PDE4D: variants seen among roughly 807,000 people sequenced by gnomAD.
The protein encoded by PDE4D is phosphodiesterase 4D.
Under a neutral mutation model 87.4 loss-of-function variants are expected in PDE4D, and 24 were observed. That is an observed-to-expected ratio of 0.27 (90% CI 0.20 to 0.39). The LOEUF (loss-of-function observed/expected upper bound fraction) is 0.39. Among genes scored for constraint, PDE4D ranks in the 10% least tolerant of loss-of-function variants. The pLI is 1.00. For missense variants in PDE4D, 714 were observed against 1,041.0 expected, an observed-to-expected ratio of 0.69 and a Z score of 4.32; for synonymous variants, 384 against 383.2, an observed-to-expected ratio of 1.00 and a Z score of -0.02.
chr5:59,248,418 C>T (rs1426049586), intron 1 of PDE4D, among the ~76,000 whole-genome samples: 1 of 151,798 alleles, frequency 6.6e-6, no homozygotes, highest in Admixed American at 6.6e-5. Context: ...CCACCTACCA[C>T]CCAGTCCCAT....
At chr5:59,639,405 G>A (rs899637184) in intron 1 of PDE4D, among the ~76,000 whole-genome samples, 1 of 151,972 alleles carries the variant, frequency 6.6e-6, no homozygotes, top group African/African-American at 2.4e-5. Flanking sequence ...GCTGGGTTGG[G>A]GGAGAGAAAA....
intron 1 of PDE4D, among the ~76,000 whole-genome samples, chr5:59,653,585 A>C (rs1417622641): frequency 6.6e-6 from 1 of 152,200 alleles, no homozygotes; most frequent in Non-Finnish European, 1.5e-5. Flanking sequence ...CTGGAGATTC[A>C]GTGACAAGTC....
At chr5:60,227,536 GAGGAGGAGAGGAAGGGTAGA>G (rs1745262662) in intron 1 of PDE4D, among the ~76,000 whole-genome samples, 1 of 145,228 alleles carries the variant, frequency 6.9e-6, no homozygotes, top group African/African-American at 2.5e-5. Flanking sequence ...GGAGGGAAGG[GAGGAGGAGAGGAAGGGTAGA>G]AGGGAGGGAA....
At chr5:58,988,632 A>G (rs1747100906) in intron 10 of PDE4D, 40 bp from the exon 11 acceptor site, 1 of 824,324 alleles carries the variant, frequency 1.2e-6, no homozygotes, top group African/African-American at 1.7e-5. Context: ...ACTATTCTAC[A>G]ATGATATGAA....
chr5:59,315,614 G>A (rs1241933736), intron 1 of PDE4D, among the ~76,000 whole-genome samples: 1 of 152,134 alleles, frequency 6.6e-6, no homozygotes, highest in Non-Finnish European at 1.5e-5. Context: ...TGGCACCAGG[G>A]AGGGGGAAAT....
At chr5:60,411,465 G>A (rs1406767844) in intron 1 of PDE4D, among the ~76,000 whole-genome samples, 2 of 151,646 alleles carry the variant, frequency 1.3e-5, no homozygotes, top group Admixed American at 1.3e-4. Flanking sequence ...TATCACATAA[G>A]TGTTAGCTAA....
chr5:59,121,435 A>G (rs1774483952), intron 5 of PDE4D, among the ~76,000 whole-genome samples: 1 of 152,238 alleles, frequency 6.6e-6, no homozygotes, highest in African/African-American at 2.4e-5. Flanking sequence ...CAAATGTCCA[A>G]TATGAAAAAA....
At chr5:59,547,210 G>C (rs1487819628) in intron 1 of PDE4D, among the ~76,000 whole-genome samples, 5 of 151,938 alleles carry the variant, frequency 3.3e-5, no homozygotes, top group Admixed American at 1.3e-4. Flanking sequence ...TAAGTATCTT[G>C]GCATAGAAAA....
chr5:59,008,113 A>C (rs1211968263), intron 6 of PDE4D, among the ~76,000 whole-genome samples: 3 of 152,066 alleles, frequency 2.0e-5, no homozygotes. Context: ...CAGCATATCT[A>C]CTACAGACTT....
chr5:60,445,832 T>TGC (rs1294151851), intron 1 of PDE4D, among the ~76,000 whole-genome samples: 1 of 152,082 alleles, frequency 6.6e-6, no homozygotes, highest in Non-Finnish European at 1.5e-5. Context: ...CTCAATCACA[T>TGC]GCACAAAAAC....
intron 1 of PDE4D, among the ~76,000 whole-genome samples, chr5:59,530,144 A>C (rs1813935049): frequency 6.6e-6 from 1 of 152,218 alleles, no homozygotes; most frequent in South Asian, 2.1e-4. Flanking sequence ...GCACCATTGC[A>C]GAATGTTTAT....
intron 1 of PDE4D, among the ~76,000 whole-genome samples, chr5:60,367,969 T>G (rs1035405086): frequency 6.6e-6 from 1 of 152,206 alleles, no homozygotes; most frequent in African/African-American, 2.4e-5. Flanking sequence ...ACGTCATTAC[T>G]GAGCGTTCTT....
chr5:59,066,327 T>C (rs781501925), intron 5 of PDE4D, among the ~76,000 whole-genome samples: 13 of 152,090 alleles, frequency 8.5e-5, no homozygotes, highest in Non-Finnish European at 1.5e-4. Flanking sequence ...ATTTTTGATG[T>C]GTCACAAAAG....
chr5:59,938,046 A>T (rs1756791226), intron 3 of PDE4D, among the ~76,000 whole-genome samples: 1 of 152,210 alleles, frequency 6.6e-6, no homozygotes, highest in Admixed American at 6.5e-5. Flanking sequence ...CTATTAGTGG[A>T]ACTGTAACAG....
At chr5:60,176,739 G>C (rs939198544) in intron 2 of PDE4D, among the ~76,000 whole-genome samples, 1 of 152,112 alleles carries the variant, frequency 6.6e-6, no homozygotes, top group Non-Finnish European at 1.5e-5. Flanking sequence ...TGCTCTTTTA[G>C]TTTGACAAAA....
chr5:59,639,842 TGTGTGTG>T (rs1741256954), intron 1 of PDE4D, among the ~76,000 whole-genome samples: 1 of 151,008 alleles, frequency 6.6e-6, no homozygotes. Flanking sequence ...TGTGTGTGTG[TGTGTGTG>T]TGTGTGTGAT....
At chr5:59,451,445 A>G (rs1799137658) in intron 1 of PDE4D, among the ~76,000 whole-genome samples, 1 of 152,160 alleles carries the variant, frequency 6.6e-6, no homozygotes, top group South Asian at 2.1e-4. Flanking sequence ...CCAGACACAT[A>G]CAGCGCACCT....
chr5:59,931,694 C>T (rs1407374688), intron 3 of PDE4D, among the ~76,000 whole-genome samples: 5 of 126,576 alleles, frequency 4.0e-5, no homozygotes, highest in Admixed American at 8.7e-5. Context: ...TCTTCTTCTT[C>T]TTTTTTTTTT....
intron 2 of PDE4D, among the ~76,000 whole-genome samples, chr5:59,199,373 G>A (rs1321453659): frequency 6.6e-6 from 1 of 151,462 alleles, no homozygotes; most frequent in East Asian, 1.9e-4. Context: ...GATTACAGGT[G>A]TGCACCACCG....
Sources: allele counts gnomAD v4.1 joint callset (sites outside exome capture counted in the v4.1 genomes callset), GRCh38; gene constraint gnomAD v4.1.1; transcripts MANE v1.5; gene names NCBI Gene and HGNC (gene_info 2026-07-23, HGNC 2026-07-21).